RRAGC: variants seen among roughly 807,000 people sequenced by gnomAD.
The protein encoded by RRAGC is ras-related GTP-binding protein C.
Under a neutral mutation model 37.1 loss-of-function variants are expected in RRAGC, and 8 were observed. The ratio of observed to expected loss-of-function variants is 0.22; its 90% CI spans 0.13 to 0.39. The LOEUF is 0.39. Ranked by LOEUF, RRAGC falls within the 10% of genes least tolerant of loss-of-function variation. RRAGC has a pLI of 1.00. For synonymous variants in RRAGC, 190 were observed against 181.1 expected (o/e 1.05, Z -0.39); for missense variants, 342 against 497.6 (o/e 0.69, Z 2.98).
chr1:38,850,961 C>T (rs1642095088), intron 5 of RRAGC, among the ~76,000 whole-genome samples: 1 of 152,208 alleles, frequency 6.6e-6, no homozygotes, highest in African/African-American at 2.4e-5. Context: ...CAAGCCACCA[C>T]ACCTGGCCAT....
intron 5 of RRAGC, chr1:38,848,188 G>A (rs1005121980): frequency 6.6e-6 from 1 of 152,182 alleles, no homozygotes; most frequent in Non-Finnish European, 1.5e-5. Flanking sequence ...GCAGAGTGGA[G>A]GGGAAGTTGG....
intron 3 of RRAGC, among the ~76,000 whole-genome samples, chr1:38,853,317 T>C (rs913527349): frequency 2.0e-5 from 3 of 152,214 alleles, no homozygotes; most frequent in African/African-American, 7.2e-5. Flanking sequence ...GAGGGAAGCC[T>C]TTAACAATTT....
Position 38,856,871 on chromosome 1 carries a change from C to G in RRAGC, c.441+8G>C. The G allele has an allele frequency of 1.9e-6, 3 of 1,613,128 alleles. No homozygotes were observed. The highest frequency in any genetic ancestry group is 2.5e-6 in the Non-Finnish European group (3 of 1,179,076). Reference sequence around the variant, plus strand: ...CCAGGAAAGAGGAGTAAACACATTACTGACTACCTGTGCGTCAATGACGTA... The same window carrying G: ...CCAGGAAAGAGGAGTAAACACATTAGTGACTACCTGTGCGTCAATGACGTA... On this transcript the variant is annotated splice_region_variant and intron_variant, in intron 2 of 6. Coordinates refer to ENST00000373001, the MANE Select transcript of RRAGC (RefSeq NM_022157.4).
At chr1:38,840,369 T>C (rs1487739320) in intron 6 of RRAGC, among the ~76,000 whole-genome samples, 4 of 152,170 alleles carry the variant, frequency 2.6e-5, no homozygotes, top group African/African-American at 9.7e-5. Flanking sequence ...ATAGTTTATA[T>C]TTGATTTGAT....
intron 6 of RRAGC, among the ~76,000 whole-genome samples, chr1:38,842,204 G>A (rs972590652): frequency 1.3e-5 from 2 of 152,098 alleles, no homozygotes; most frequent in East Asian, 1.9e-4. Flanking sequence ...CCCGGGAGGC[G>A]GAGCTTGCAG....
intron 1 of RRAGC, among the ~76,000 whole-genome samples, chr1:38,857,726 G>C (rs1038448664): frequency 6.6e-6 from 1 of 152,218 alleles, no homozygotes. Flanking sequence ...TTAGGCGGCC[G>C]AGGCGGGCGG....
chr1:38,859,610 C>T lies in RRAGC; in HGVS notation c.37G>A (p.Ala13Thr), dbSNP rs1266744229. ...LQYGAEETPL[A>T]GSYGAADSFP... ...GAATCGGCCGCGCCGTAACTGCCGG[C>T]GAGGGGCGTCTCCTCCGCCCCGTAC... Residue 13 changes from alanine to threonine, a missense_variant, in exon 1 of 7, where the codon GCC (alanine) becomes ACC (threonine). Ala to Thr is a moderately conservative substitution (Grantham distance 58). Transcript: ENST00000373001. The T allele has an allele frequency of 1.9e-6, 3 of 1,564,346 alleles. No homozygotes were observed. Among genetic ancestry groups the T allele is most frequent in the Non-Finnish European group, 2.6e-6 (3 of 1,155,764 alleles).
chr1:38,839,370 G>T lies in RRAGC; in HGVS notation c.*183C>A. On this transcript the variant is annotated 3_prime_UTR_variant, in exon 7 of 7. Transcript: ENST00000373001. ...TTTTGCCATTTTCAAAAAAGATATAGTAGCTTCAGTTGTACACCACCAGTT... is the reference window on the plus strand; with the variant it reads ...TTTTGCCATTTTCAAAAAAGATATATTAGCTTCAGTTGTACACCACCAGTT... 7.2e-6 allele frequency: 3 copies of T among 414,564 alleles called. No individual in the cohort carries two copies. The highest frequency in any genetic ancestry group is 1.3e-5 in the Non-Finnish European group (3 of 239,544). 25.7% of individuals were successfully genotyped at this position (414,564 alleles called of 1,614,324 possible). A position where few individuals can be genotyped will look rare whatever the true frequency, so the allele number is the denominator to read the frequency against.
At position 38,839,433 on chromosome 1, in the gene RRAGC, G is replaced by GTC; in HGVS notation, c.*118_*119dup. ...ATCCAAATGAGAAACTCTACCCCTTGTCTCTAGTGGAACAGGCACCAGATT... is the reference window on the plus strand; with the variant it reads ...ATCCAAATGAGAAACTCTACCCCTTGTCTCTCTAGTGGAACAGGCACCAGATT... On this transcript the variant is annotated 3_prime_UTR_variant, in exon 7 of 7. Coordinates refer to ENST00000373001, the MANE Select transcript of RRAGC (RefSeq NM_022157.4). The GTC allele has an allele frequency of 9.8e-7, 1 of 1,018,918 alleles. No homozygotes were observed. The highest frequency in any genetic ancestry group is 1.4e-6 in the Non-Finnish European group (1 of 705,736). 63.1% of individuals were successfully genotyped at this position (1,018,918 alleles called of 1,614,324 possible).
intron 6 of RRAGC, among the ~76,000 whole-genome samples, chr1:38,841,861 G>A (rs567701798): frequency 6.6e-6 from 1 of 152,256 alleles, no homozygotes; most frequent in South Asian, 2.1e-4. Context: ...CATAGGCTGG[G>A]CGCGGTGGCT....
At chr1:38,856,019 T>G (rs189170493) in intron 2 of RRAGC, 112 bp from the exon 3 acceptor site, 1 of 654,974 alleles carries the variant, frequency 1.5e-6, no homozygotes, top group African/African-American at 1.8e-5. Context: ...ATCCTAATTA[T>G]CATCAATATT....
At chr1:38,855,556 A>T in intron 3 of RRAGC, 152 bp downstream of exon 3, 1 of 680,444 alleles carries the variant, frequency 1.5e-6, no homozygotes, top group Non-Finnish European at 2.5e-6. Context: ...CAGGCTCCCC[A>T]GACAGCCTGG....
intron 5 of RRAGC, among the ~76,000 whole-genome samples, chr1:38,850,429 G>A (rs951501164): frequency 1.3e-5 from 2 of 152,062 alleles, no homozygotes; most frequent in African/African-American, 4.8e-5. Context: ...CAGGAAAGTG[G>A]CGTGAACCTG....
chr1:38,842,251 G>A (rs1045203125), intron 6 of RRAGC, among the ~76,000 whole-genome samples: 2 of 152,158 alleles, frequency 1.3e-5, no homozygotes, highest in Non-Finnish European at 2.9e-5. Flanking sequence ...CAGCCTGGGT[G>A]ACAGAGCGAG....
At chr1:38,853,484 G>A (rs1326127745) in intron 3 of RRAGC, among the ~76,000 whole-genome samples, 2 of 152,146 alleles carry the variant, frequency 1.3e-5, no homozygotes, top group South Asian at 2.1e-4. Flanking sequence ...GATGGCTCAC[G>A]CCTGTAATCC....
chr1:38,839,912 C>T (rs899273129), intron 6 of RRAGC, among the ~76,000 whole-genome samples: 1 of 151,804 alleles, frequency 6.6e-6, no homozygotes, highest in Non-Finnish European at 1.5e-5. Context: ...TTTGGGAGGC[C>T]GAGGCGGGCA....
intron 5 of RRAGC, among the ~76,000 whole-genome samples, chr1:38,849,480 G>A (rs1248221526): frequency 6.6e-6 from 1 of 152,174 alleles, no homozygotes; most frequent in Non-Finnish European, 1.5e-5. Flanking sequence ...CCTGAGGCCA[G>A]GAGTTCGAGA....
intron 5 of RRAGC, among the ~76,000 whole-genome samples, chr1:38,850,810 G>A (rs544637252): frequency 6.6e-6 from 1 of 151,930 alleles, no homozygotes; most frequent in South Asian, 2.1e-4. Flanking sequence ...GGAAGTCAGA[G>A]GGTACAGAGA....
chr1:38,841,779 T>A (rs1641966339), intron 6 of RRAGC, among the ~76,000 whole-genome samples: 1 of 150,754 alleles, frequency 6.6e-6, no homozygotes, highest in Non-Finnish European at 1.5e-5. Context: ...AGCTCAGGAG[T>A]TCAAGACCAC....
Sources: gnomAD v4.1 joint callset for allele counts (sites outside exome capture counted in the v4.1 genomes callset) on GRCh38, gnomAD v4.1.1 for gene constraint, MANE v1.5 for transcripts, NCBI Gene and HGNC (gene_info 2026-07-23, HGNC 2026-07-21) for gene names.